The following PRKAR1B variants were observed in gnomAD, a reference collection of about 807,000 sequenced individuals.
The protein encoded by PRKAR1B is cAMP-dependent protein kinase type I-beta regulatory subunit.
Under a neutral mutation model 46.5 loss-of-function variants are expected in PRKAR1B, and 22 were observed. That is an observed-to-expected ratio of 0.47 (90% CI 0.34 to 0.68). The LOEUF is 0.68. Among genes scored for constraint, PRKAR1B ranks in the 30% least tolerant of loss-of-function variants. The pLI is 0.01. For synonymous variants in PRKAR1B, 259 were observed against 217.7 expected (o/e 1.19, Z -1.67); for missense variants, 445 against 535.6 (o/e 0.83, Z 1.67).
chr7:610,280 G>A (rs1782400772), intron 4 of PRKAR1B, among the ~76,000 whole-genome samples: 1 of 152,174 alleles, frequency 6.6e-6, no homozygotes, highest in Admixed American at 6.5e-5. Context: ...ACCCTTCCTG[G>A]GAGGTTTCAG....
At chr7:637,217 G>A (rs1055484809) in intron 4 of PRKAR1B, among the ~76,000 whole-genome samples, 9 of 152,098 alleles carry the variant, frequency 5.9e-5, no homozygotes, top group Non-Finnish European at 1.2e-4. Context: ...AGCTTCGGAG[G>A]CAGAGGTCTA....
intron 2 of PRKAR1B, among the ~76,000 whole-genome samples, chr7:693,488 A>G (rs1020062918): frequency 6.6e-6 from 1 of 152,036 alleles, no homozygotes; most frequent in East Asian, 1.9e-4. Context: ...ACTTCACAGA[A>G]GCGGAATTGC....
intron 9 of PRKAR1B, among the ~76,000 whole-genome samples, chr7:561,027 AAC>A (rs747186780): frequency 6.6e-5 from 10 of 152,000 alleles, no homozygotes; most frequent in African/African-American, 1.2e-4. Context: ...CACACGTGTG[AAC>A]ACACACACAT....
chr7:565,766 T>G (rs188427872), intron 9 of PRKAR1B: 1 of 152,290 alleles, frequency 6.6e-6, no homozygotes, highest in Non-Finnish European at 1.5e-5. Flanking sequence ...TAGCTCAGGC[T>G]CCGTGAGGAT....
intron 9 of PRKAR1B, among the ~76,000 whole-genome samples, chr7:568,173 G>A (rs927047682): frequency 6.6e-6 from 1 of 152,166 alleles, no homozygotes; most frequent in African/African-American, 2.4e-5. Context: ...CATGGCCAGG[G>A]TGAGGTCACA....
intron 4 of PRKAR1B, among the ~76,000 whole-genome samples, chr7:643,369 G>A (rs557039926): frequency 2.6e-5 from 4 of 151,498 alleles, no homozygotes; most frequent in East Asian, 3.9e-4. Flanking sequence ...TGGACCCTGC[G>A]TCCTTCAGGG....
chr7:561,301 G>C (rs1182615396), intron 9 of PRKAR1B, among the ~76,000 whole-genome samples: 1 of 152,280 alleles, frequency 6.6e-6, no homozygotes, highest in African/African-American at 2.4e-5. Context: ...CATCCACAGA[G>C]GATGCAAGCA....
In PRKAR1B at chr7:576,429, A is replaced by G. The variant is rs370687763; in HGVS notation, c.891+2827T>C. Among the ~76,000 whole-genome samples, 4 of 152,310 alleles carry G rather than the reference A, an allele frequency of 2.6e-5. 1 individual carries two copies. Among genetic ancestry groups the G allele is most frequent in the Admixed American group, 6.5e-5 (1 of 15,292 alleles). The stretch of plus-strand genomic sequence containing the variant: ...CTCTACCGACCGGAAATACTGCCTG[A>G]TAACGGCTCCCCCGCAAGGACCCCC... On this transcript the variant is annotated intron_variant, in intron 9 of 10. Transcript: ENST00000537384.
intron 7 of PRKAR1B, among the ~76,000 whole-genome samples, chr7:587,151 G>C (rs1780650231): frequency 1.3e-5 from 2 of 152,196 alleles, no homozygotes; most frequent in Non-Finnish European, 2.9e-5. Flanking sequence ...TCAGGAAAGA[G>C]AGATGGACTG....
At chr7:684,683 G>T (rs1778905722) in intron 2 of PRKAR1B, among the ~76,000 whole-genome samples, 1 of 152,180 alleles carries the variant, frequency 6.6e-6, no homozygotes, top group Non-Finnish European at 1.5e-5. Context: ...CTGGGAGCCA[G>T]GCAGCCCCCC....
chr7:688,175 C>T (rs556999273), intron 2 of PRKAR1B, among the ~76,000 whole-genome samples: 6 of 149,704 alleles, frequency 4.0e-5, no homozygotes, highest in Non-Finnish European at 7.4e-5. Context: ...CCAAGGCGGG[C>T]GGATCACCTG....
At chr7:592,098 C>G (rs1451805444) in intron 7 of PRKAR1B, among the ~76,000 whole-genome samples, 1 of 152,170 alleles carries the variant, frequency 6.6e-6, no homozygotes, top group East Asian at 1.9e-4. Context: ...GGTGGACTTG[C>G]CAGGCAGGTC....
intron 4 of PRKAR1B, among the ~76,000 whole-genome samples, chr7:653,214 G>T (rs1250057720): frequency 1.3e-5 from 2 of 152,222 alleles, no homozygotes; most frequent in Non-Finnish European, 2.9e-5. Context: ...CCAGGCCAGT[G>T]TCTGAGGCTC....
chr7:696,451 T>C lies in PRKAR1B; in HGVS notation c.177+14878A>G, dbSNP rs186533255. ...CACACCTGGCTAATTTTTGTATTTT[T>C]AGTACAGACAGGGTTTCACCATGTT... On this transcript the variant is annotated intron_variant, in intron 2 of 10. Transcript: ENST00000537384. 3.5e-4 allele frequency among the ~76,000 whole-genome samples: 53 copies of C among 152,086 alleles called. No homozygotes were observed. The East Asian group carries it at 9.7e-3, about 28-fold the overall frequency.
chr7:715,011 C>T lies in PRKAR1B; in HGVS notation c.-22-3484G>A, dbSNP rs9640002. Among the ~76,000 whole-genome samples the T allele has an allele frequency of 5.7e-3, 865 of 152,222 alleles. 5 individuals are homozygous for T. Among genetic ancestry groups the T allele is most frequent in the Non-Finnish European group, 9.9e-3 (672 of 68,016 alleles). On this transcript the variant is annotated intron_variant, in intron 1 of 10. Transcript: ENST00000537384. ...GACCAGCCTGGGCAACATAGCGAAA[C>T]CCTGTCTCGACTAGAAATACAAAAT...
intron 4 of PRKAR1B, among the ~76,000 whole-genome samples, chr7:647,805 CAAAA>C (rs769761277): frequency 5.6e-5 from 1 of 17,888 alleles, no homozygotes; most frequent in East Asian, 1.7e-3. Flanking sequence ...ACTTCGTCTC[CAAAA>C]AAAAAAAAAA....
chr7:635,221 T>C (rs1005474931), intron 4 of PRKAR1B, among the ~76,000 whole-genome samples: 1 of 152,196 alleles, frequency 6.6e-6, no homozygotes, highest in Non-Finnish European at 1.5e-5. Flanking sequence ...GGACCCACAT[T>C]CCACAGGCTG....
chr7:701,519 T>C (rs1051169947), intron 2 of PRKAR1B, among the ~76,000 whole-genome samples: 1 of 152,116 alleles, frequency 6.6e-6, no homozygotes, highest in African/African-American at 2.4e-5. Context: ...GGTATAAATA[T>C]TCAGATTCAA....
rs1583386826 is a variant in PRKAR1B at position 666,229 on chromosome 7, G to A, written c.440+11000C>T. On this transcript the variant is annotated intron_variant, in intron 4 of 10. Coordinates refer to ENST00000537384, the MANE Select transcript of PRKAR1B (RefSeq NM_001164760.2). The surrounding 1 kb of genome is among the most constrained non-coding windows in gnomAD (Gnocchi z 4.9). ...TCACTCCCCAAGGCCTGGGACACAC[G>A]CTCCAGGGACAGCCTTCATGGTCCT... 3.1e-5 allele frequency among the ~76,000 whole-genome samples: 4 copies of A among 130,072 alleles called. No individual in the cohort carries two copies. Among genetic ancestry groups the A allele is most frequent in the South Asian group, 4.3e-4 (2 of 4,604 alleles). 85.3% of individuals were successfully genotyped at this position (130,072 alleles called of 152,430 possible).
Sources: gnomAD v4.1 joint callset for allele counts (sites outside exome capture counted in the v4.1 genomes callset) on GRCh38, gnomAD v4.1.1 for gene constraint, Gnocchi (gnomAD v3.1) non-coding constraint, MANE v1.5 for transcripts, NCBI Gene and HGNC (gene_info 2026-07-23, HGNC 2026-07-21) for gene names.